Variants in CDYL2 observed in about 807,000 individuals in gnomAD.
The protein encoded by CDYL2 is chromodomain Y-like protein 2.
CDYL2 carries 23 observed loss-of-function variants against 49.4 expected under a neutral mutation model. The observed-to-expected ratio is 0.47, with a 90% CI of 0.34 to 0.66. The LOEUF is 0.66. Among genes scored for constraint, CDYL2 ranks in the 30% least tolerant of loss-of-function variants. The pLI is 0.01. For missense variants in CDYL2, 678 were observed against 656.4 expected (o/e 1.03, Z -0.36); for synonymous variants, 360 against 268.8 (o/e 1.34, Z -3.32).
At chr16:80,691,773 A>G (rs576641798) in intron 1 of CDYL2, among the ~76,000 whole-genome samples, 1 of 152,338 alleles carries the variant, frequency 6.6e-6, no homozygotes, top group South Asian at 2.1e-4. Flanking sequence ...CATGTTTTTA[A>G]AAGAGAGAGA....
intron 2 of CDYL2, among the ~76,000 whole-genome samples, chr16:80,644,078 G>C (rs1908225325): frequency 2.0e-5 from 3 of 152,192 alleles, no homozygotes; most frequent in Non-Finnish European, 4.4e-5. Flanking sequence ...CAGCACCCAA[G>C]TCACCTCTTG....
At chr16:80,772,061 T>A (rs1036937605) in intron 1 of CDYL2, among the ~76,000 whole-genome samples, 2 of 152,100 alleles carry the variant, frequency 1.3e-5, no homozygotes, top group Admixed American at 6.5e-5. Context: ...ACAAACACCA[T>A]GGCAGCCAGA....
At chr16:80,649,817 C>G (rs971997825) in intron 2 of CDYL2, among the ~76,000 whole-genome samples, 1 of 152,078 alleles carries the variant, frequency 6.6e-6, no homozygotes, top group Non-Finnish European at 1.5e-5. Flanking sequence ...ATCCACACAC[C>G]TACAGTGAAC....
chr16:80,743,721 A>G (rs781437661), intron 1 of CDYL2, among the ~76,000 whole-genome samples: 1 of 152,016 alleles, frequency 6.6e-6, no homozygotes, highest in South Asian at 2.1e-4. Flanking sequence ...ATCTCAGTCC[A>G]TCAAGATTTT....
chr16:80,687,575 T>G (rs1910249363), intron 1 of CDYL2, among the ~76,000 whole-genome samples: 1 of 151,940 alleles, frequency 6.6e-6, no homozygotes, highest in African/African-American at 2.4e-5. Flanking sequence ...GCTGGCTGGA[T>G]GGATGGATGG....
At chr16:80,693,241 G>T (rs544157460) in intron 1 of CDYL2, among the ~76,000 whole-genome samples, 2 of 152,100 alleles carry the variant, frequency 1.3e-5, no homozygotes, top group East Asian at 3.8e-4. Context: ...TCTGTCAAAA[G>T]TCACTTTTAC....
chr16:80,801,534 G>A (rs1907926393), intron 1 of CDYL2, among the ~76,000 whole-genome samples: 1 of 152,178 alleles, frequency 6.6e-6, no homozygotes, highest in Non-Finnish European at 1.5e-5. Context: ...AGACACACAG[G>A]TGAAATATAT....
At chr16:80,785,807 C>G (rs893385443) in intron 1 of CDYL2, among the ~76,000 whole-genome samples, 1 of 152,096 alleles carries the variant, frequency 6.6e-6, no homozygotes, top group Non-Finnish European at 1.5e-5. Context: ...GAAATAACAC[C>G]ACACATCTAC....
chr16:80,769,188 T>C (rs901525902), intron 1 of CDYL2, among the ~76,000 whole-genome samples: 1 of 152,210 alleles, frequency 6.6e-6, no homozygotes, highest in Non-Finnish European at 1.5e-5. Context: ...TGGAGGAATT[T>C]CAGTGCTTAG....
chr16:80,745,942 A>G (rs568521680), intron 1 of CDYL2, among the ~76,000 whole-genome samples: 3 of 152,304 alleles, frequency 2.0e-5, no homozygotes, highest in East Asian at 3.9e-4. Context: ...CCAACTACAC[A>G]GCCCTGTGAC....
At chr16:80,624,895 G>A (rs1296627914) in intron 3 of CDYL2, among the ~76,000 whole-genome samples, 1 of 152,124 alleles carries the variant, frequency 6.6e-6, no homozygotes, top group Non-Finnish European at 1.5e-5. Context: ...TGACCAAAAC[G>A]TAGCACAGAA....
intron 2 of CDYL2, among the ~76,000 whole-genome samples, chr16:80,640,221 T>A (rs780081817): frequency 2.6e-5 from 4 of 152,022 alleles, no homozygotes; most frequent in Non-Finnish European, 5.9e-5. Context: ...TCCTTTCCAC[T>A]TGAGGAGAGG....
At chr16:80,730,256 A>C (rs1017734726) in intron 1 of CDYL2, among the ~76,000 whole-genome samples, 1 of 152,230 alleles carries the variant, frequency 6.6e-6, no homozygotes, top group African/African-American at 2.4e-5. Context: ...GCAATAAAAA[A>C]TGATAAAGGG....
chr16:80,777,193 G>A (rs773449244), intron 1 of CDYL2, among the ~76,000 whole-genome samples: 2 of 152,146 alleles, frequency 1.3e-5, no homozygotes, highest in Non-Finnish European at 2.9e-5. Flanking sequence ...TGGGGAGACG[G>A]AAGGAGTACA....
At chr16:80,613,954 C>A (rs959401778) in intron 4 of CDYL2, among the ~76,000 whole-genome samples, 1 of 152,210 alleles carries the variant, frequency 6.6e-6, no homozygotes, top group African/African-American at 2.4e-5. Flanking sequence ...GTGCATGAGC[C>A]ACATGGGCCT....
chr16:80,782,307 T>A (rs964839981), intron 1 of CDYL2, among the ~76,000 whole-genome samples: 1 of 151,660 alleles, frequency 6.6e-6, no homozygotes, highest in Non-Finnish European at 1.5e-5. Flanking sequence ...ATAGAAAATC[T>A]GAATAGATCT....
chr16:80,802,052 C>G (rs932424120), intron 1 of CDYL2, among the ~76,000 whole-genome samples: 2 of 152,036 alleles, frequency 1.3e-5, no homozygotes, highest in African/African-American at 4.8e-5. Flanking sequence ...AACTGAAATT[C>G]TATAAAAACT....
chr16:80,633,672 A>G (rs1013370896), intron 2 of CDYL2, among the ~76,000 whole-genome samples: 1 of 152,130 alleles, frequency 6.6e-6, no homozygotes. Flanking sequence ...TACATTCACG[A>G]GCATGACCTT....
intron 1 of CDYL2, among the ~76,000 whole-genome samples, chr16:80,757,109 G>C (rs1438949892): frequency 6.6e-6 from 1 of 152,074 alleles, no homozygotes; most frequent in Admixed American, 6.6e-5. Context: ...AAAGAAATAA[G>C]AGCTTCAATT....
Sources: gnomAD v4.1 joint callset for allele counts (sites outside exome capture counted in the v4.1 genomes callset) on GRCh38, gnomAD v4.1.1 for gene constraint, MANE v1.5 for transcripts, NCBI Gene and HGNC (gene_info 2026-07-23, HGNC 2026-07-21) for gene names.